The following HSPA12A variants were observed in gnomAD, a reference collection of about 807,000 sequenced individuals.
HSPA12A encodes heat shock protein family A (Hsp70) member 12A, also known as heat shock 70 kDa protein 12A.
HSPA12A carries 28 observed loss-of-function variants against 69.2 expected under a neutral mutation model. That is an observed-to-expected ratio of 0.40 (90% CI 0.30 to 0.55). The LOEUF is 0.55. Among genes scored for constraint, HSPA12A ranks in the 20% least tolerant of loss-of-function variants. The probability of loss-of-function intolerance (pLI) is 0.38; values close to 1 mark genes in which losing one functional copy is unlikely to be tolerated. For missense variants in HSPA12A, 686 were observed against 900.7 expected (o/e 0.76, Z 3.05); for synonymous variants, 345 against 370.5 (o/e 0.93, Z 0.79).
At chr10:116,825,153 C>G (rs1845479602) in intron 2 of HSPA12A, among the ~76,000 whole-genome samples, 1 of 149,546 alleles carries the variant, frequency 6.7e-6, no homozygotes, top group African/African-American at 2.5e-5. Context: ...CACCACTCTA[C>G]TCTAGTCTGG....
chr10:116,820,768 T>C lies in HSPA12A; in HGVS notation c.91+14167A>G, dbSNP rs534497200. On this transcript the variant is annotated intron_variant, in intron 2 of 12. Transcript: ENST00000635765. ...ATGCTAATGAGTCCACGTTGACATTTCTAGTCGGAGCTCACCATATCTCCA... is the reference window on the plus strand; with the variant it reads ...ATGCTAATGAGTCCACGTTGACATTCCTAGTCGGAGCTCACCATATCTCCA... Among the ~76,000 whole-genome samples, 3 of 152,142 alleles carry C rather than the reference T, an allele frequency of 2.0e-5. No individual in the cohort carries two copies. The East Asian group carries it at 5.8e-4, about 30-fold the overall frequency.
chr10:116,706,183 C>T (rs1327026447), intron 2 of HSPA12A, among the ~76,000 whole-genome samples: 1 of 138,868 alleles, frequency 7.2e-6, no homozygotes, highest in Non-Finnish European at 1.6e-5. Context: ...GCGTGAGCCA[C>T]CACGCCTGGC....
intron 2 of HSPA12A, among the ~76,000 whole-genome samples, chr10:116,820,007 A>G (rs1845381467): frequency 6.6e-6 from 1 of 151,918 alleles, no homozygotes; most frequent in Admixed American, 6.6e-5. Context: ...ATTTTTTTGT[A>G]AAGATGGGGT....
At chr10:116,711,868 T>C (rs566558874) in intron 1 of HSPA12A, among the ~76,000 whole-genome samples, 45 of 152,066 alleles carry the variant, frequency 3.0e-4, no homozygotes, top group African/African-American at 1.0e-3. Flanking sequence ...TTTTTATTTT[T>C]AGTAGAGACA....
intron 1 of HSPA12A, among the ~76,000 whole-genome samples, chr10:116,712,220 A>G (rs1015728409): frequency 1.3e-5 from 2 of 152,216 alleles, no homozygotes; most frequent in Non-Finnish European, 2.9e-5. Context: ...AACTTTAGTG[A>G]ACATAAAAAT....
At chr10:116,770,350 G>A (rs1279221353) in intron 2 of HSPA12A, among the ~76,000 whole-genome samples, 1 of 152,240 alleles carries the variant, frequency 6.6e-6, no homozygotes, top group Non-Finnish European at 1.5e-5. Context: ...AGACCGAAGG[G>A]GCAGATGTGG....
chr10:116,770,165 C>A (rs1182086966), intron 2 of HSPA12A, among the ~76,000 whole-genome samples: 2 of 152,144 alleles, frequency 1.3e-5, no homozygotes, highest in Admixed American at 6.5e-5. Flanking sequence ...ATGCAAAAAC[C>A]AAGACTCAGA....
chr10:116,730,280 C>T (rs1851109090), intron 1 of HSPA12A, among the ~76,000 whole-genome samples: 1 of 152,170 alleles, frequency 6.6e-6, no homozygotes, highest in African/African-American at 2.4e-5. Context: ...ATTCTCAGAA[C>T]CAACCCGTGA....
upstream of HSPA12A, chr10:116,849,780 G>C (rs1050192157): frequency 8.9e-6 from 13 of 1,459,566 alleles, no homozygotes; most frequent in African/African-American, 8.6e-5. Flanking sequence ...CTCTCCCCCC[G>C]CCCCGCGCTG....
rs75862523 is a variant in HSPA12A at position 116,836,768 on chromosome 10, A to AACACACAC, written c.4-1754_4-1747dup. On this transcript the variant is annotated intron_variant, in intron 1 of 12. Transcript: ENST00000635765. Reference sequence around the variant, plus strand: ...GTGTAGAATTGTGGTAAACGAACCGAACACACACACACACACACACACACA... The same window carrying AACACACAC: ...GTGTAGAATTGTGGTAAACGAACCGAACACACACACACACACACACACACACACACACA... 8.9e-4 allele frequency among the ~76,000 whole-genome samples: 130 copies of AACACACAC among 146,604 alleles called. 1 individual carries two copies. Among genetic ancestry groups the AACACACAC allele is most frequent in the African/African-American group, 4.2e-4 (17 of 40,112 alleles).
chr10:116,739,563 G>C (rs1415794972), intron 1 of HSPA12A, among the ~76,000 whole-genome samples: 1 of 151,774 alleles, frequency 6.6e-6, no homozygotes, highest in Non-Finnish European at 1.5e-5. Context: ...CCCTGACTTG[G>C]TCACCATAGG....
chr10:116,815,099 A>AT (rs34886986), intron 2 of HSPA12A, among the ~76,000 whole-genome samples: 2,913 of 148,246 alleles, frequency 0.02, 39 homozygotes, highest in African/African-American at 0.039. Context: ...ATCCCTACCC[A>AT]TTTTTTTTTT....
intron 2 of HSPA12A, among the ~76,000 whole-genome samples, chr10:116,793,657 A>C (rs2133156267): frequency 6.6e-6 from 1 of 152,324 alleles, no homozygotes; most frequent in Middle Eastern, 3.4e-3. Context: ...GGGAGAATGA[A>C]ATAAAATTGT....
chr10:116,743,521 C>T (rs1851579059), upstream of HSPA12A, among the ~76,000 whole-genome samples: 1 of 152,250 alleles, frequency 6.6e-6, no homozygotes, highest in South Asian at 2.1e-4. Flanking sequence ...GATAAGGAAG[C>T]TGAGGATCGG....
intron 9 of HSPA12A, among the ~76,000 whole-genome samples, chr10:116,680,691 G>C (rs1038518339): frequency 6.6e-6 from 1 of 152,116 alleles, no homozygotes; most frequent in Non-Finnish European, 1.5e-5. Flanking sequence ...TCATCATGTT[G>C]GCCATGCTGG....
chr10:116,721,624 T>G (rs1850779829), intron 1 of HSPA12A, among the ~76,000 whole-genome samples: 1 of 151,886 alleles, frequency 6.6e-6, no homozygotes, highest in African/African-American at 2.4e-5. Context: ...TATAGCAGGG[T>G]AAGAGCAAAC....
chr10:116,796,822 T>C (rs921564213), intron 2 of HSPA12A, among the ~76,000 whole-genome samples: 7 of 152,152 alleles, frequency 4.6e-5, no homozygotes, highest in Non-Finnish European at 8.8e-5. Flanking sequence ...GTGACTGACC[T>C]TTCTGATTTG....
intron 2 of HSPA12A, among the ~76,000 whole-genome samples, chr10:116,783,436 A>G (rs1263007716): frequency 2.0e-5 from 3 of 152,128 alleles, no homozygotes; most frequent in African/African-American, 7.2e-5. Context: ...ACGATTATTG[A>G]CTGTCAAGCA....
At chr10:116,840,892 C>T (rs778312791) in intron 1 of HSPA12A, among the ~76,000 whole-genome samples, 1 of 152,202 alleles carries the variant, frequency 6.6e-6, no homozygotes, top group Non-Finnish European at 1.5e-5. Flanking sequence ...TTGATCAACT[C>T]CAATTTTCAC....
Sources: allele counts gnomAD v4.1 joint callset (sites outside exome capture counted in the v4.1 genomes callset), GRCh38; gene constraint gnomAD v4.1.1; transcripts MANE v1.5; gene names NCBI Gene and HGNC (gene_info 2026-07-23, HGNC 2026-07-21).